The following SCFD2 variants were observed in gnomAD, a reference collection of about 807,000 sequenced individuals.
SCFD2 encodes sec1 family domain-containing protein 2.
A neutral mutation model predicts 58.9 loss-of-function variants in SCFD2; 54 were observed. The observed-to-expected ratio is 0.92, with a 90% CI of 0.74 to 1.15. SCFD2 has a LOEUF of 1.15. SCFD2 is among the 50% of genes most tolerant of loss of function. SCFD2 has a pLI of 0.00. For missense variants in SCFD2, 805 were observed against 836.6 expected, an observed-to-expected ratio of 0.96 and a Z score of 0.47; for synonymous variants, 321 against 335.9, an observed-to-expected ratio of 0.96 and a Z score of 0.49.
At chr4:53,204,020 A>T (rs897964671) in intron 4 of SCFD2, among the ~76,000 whole-genome samples, 13 of 152,116 alleles carry the variant, frequency 8.5e-5, no homozygotes, top group African/African-American at 2.9e-4. Context: ...ATGCATCCAG[A>T]TCTTTTCTAT....
intron 4 of SCFD2, among the ~76,000 whole-genome samples, chr4:53,199,442 G>A (rs1473703925): frequency 3.9e-5 from 6 of 152,082 alleles, no homozygotes; most frequent in Non-Finnish European, 7.4e-5. Flanking sequence ...TCCTGGCAAA[G>A]AGCACCAAAA....
chr4:52,915,163 A>G (rs1185770301), intron 6 of SCFD2, among the ~76,000 whole-genome samples: 1 of 152,226 alleles, frequency 6.6e-6, no homozygotes, highest in African/African-American at 2.4e-5. Flanking sequence ...CAGTGTAACT[A>G]CAACATCTTG....
chr4:53,271,112 T>C (rs1053282740), intron 4 of SCFD2, among the ~76,000 whole-genome samples: 1 of 152,182 alleles, frequency 6.6e-6, no homozygotes, highest in African/African-American at 2.4e-5. Context: ...TCTTGATATA[T>C]GTTTGTGACA....
chr4:52,895,334 A>G (rs1360923389), intron 7 of SCFD2, among the ~76,000 whole-genome samples: 1 of 151,882 alleles, frequency 6.6e-6, no homozygotes, highest in African/African-American at 2.4e-5. Context: ...CCCCTACCCC[A>G]CAACAGTCCC....
intron 5 of SCFD2, among the ~76,000 whole-genome samples, chr4:53,096,216 T>C (rs1329157084): frequency 1.3e-5 from 2 of 152,166 alleles, no homozygotes; most frequent in East Asian, 1.9e-4. Context: ...GATTTATAAT[T>C]CTTTGGGTAT....
chr4:53,319,683 C>A (rs1424118710), intron 2 of SCFD2, among the ~76,000 whole-genome samples: 2 of 152,088 alleles, frequency 1.3e-5, no homozygotes, highest in Non-Finnish European at 2.9e-5. Context: ...AGGCATGCGC[C>A]ATCTCGTCTG....
At chr4:53,316,080 G>A (rs1732853512) in intron 2 of SCFD2, among the ~76,000 whole-genome samples, 1 of 152,122 alleles carries the variant, frequency 6.6e-6, no homozygotes, top group South Asian at 2.1e-4. Context: ...CCTTATCAGA[G>A]AGGTCTCCCC....
chr4:53,239,194 A>G (rs1235987838), intron 4 of SCFD2, among the ~76,000 whole-genome samples: 2 of 151,732 alleles, frequency 1.3e-5, no homozygotes, highest in African/African-American at 4.8e-5. Flanking sequence ...CCCCGTCTCC[A>G]CCAAAACCAG....
rs1249334436 is a variant in SCFD2, at chr4:53,306,529, T to C, written c.1135+7107A>G. ...ATTCAATGAAAACTATTTCTGCCTC[T>C]TTCTATTGAAAATAGAAATACTCAT... On this transcript the variant is annotated intron_variant, in intron 3 of 8. Coordinates refer to ENST00000401642, the MANE Select transcript of SCFD2 (RefSeq NM_152540.4). 3.9e-5 allele frequency among the ~76,000 whole-genome samples: 6 copies of C among 152,220 alleles called. No individual in the cohort carries two copies. The East Asian group carries it at 1.2e-3, about 29-fold the overall frequency.
intron 4 of SCFD2, among the ~76,000 whole-genome samples, chr4:53,241,277 A>G (rs1372512330): frequency 6.6e-6 from 1 of 152,186 alleles, no homozygotes; most frequent in African/African-American, 2.4e-5. Flanking sequence ...GGTGGCAACT[A>G]TAGTGGAGCA....
intron 4 of SCFD2, among the ~76,000 whole-genome samples, chr4:53,261,547 A>G (rs960984338): frequency 5.9e-5 from 9 of 152,096 alleles, no homozygotes; most frequent in Admixed American, 5.9e-4. Flanking sequence ...TTCCTTTTGG[A>G]GTTGACTTCC....
At chr4:53,113,897 T>A (rs573758032) in intron 5 of SCFD2, among the ~76,000 whole-genome samples, 1 of 152,224 alleles carries the variant, frequency 6.6e-6, no homozygotes, top group East Asian at 1.9e-4. Flanking sequence ...TAAGAAATTA[T>A]TTCTTCTCAC....
chr4:53,233,526 C>A (rs1729503757), intron 4 of SCFD2, among the ~76,000 whole-genome samples: 1 of 152,190 alleles, frequency 6.6e-6, no homozygotes, highest in Admixed American at 6.6e-5. Flanking sequence ...ACTCTGGTTT[C>A]CAGCTGGAAT....
chr4:53,057,992 G>A (rs753947107), intron 5 of SCFD2, among the ~76,000 whole-genome samples: 11 of 151,960 alleles, frequency 7.2e-5, no homozygotes, highest in Non-Finnish European at 1.6e-4. Context: ...AAGCCATCTC[G>A]GAAAGTCAAG....
intron 4 of SCFD2, among the ~76,000 whole-genome samples, chr4:53,203,947 G>A (rs1247733063): frequency 2.0e-5 from 3 of 152,244 alleles, no homozygotes; most frequent in African/African-American, 7.2e-5. Flanking sequence ...ATTATTAACT[G>A]AATGTACACC....
chr4:53,166,018 A>G lies in SCFD2; in HGVS notation c.1312-20436T>C, dbSNP rs550632928. ...TTCTAGGTACCACATATAAGTGGTAACATACAATATTCATCCTTTAGTGTC... is the reference window on the plus strand; with the variant it reads ...TTCTAGGTACCACATATAAGTGGTAGCATACAATATTCATCCTTTAGTGTC... On this transcript the variant is annotated intron_variant, in intron 4 of 8. Coordinates refer to ENST00000401642, the MANE Select transcript of SCFD2 (RefSeq NM_152540.4). 6.6e-5 allele frequency among the ~76,000 whole-genome samples: 10 copies of G among 152,368 alleles called. No homozygotes were observed. In the South Asian group the frequency reaches 2.1e-3, roughly 32 times the overall value.
At chr4:53,089,220 AT>A (rs1270294827) in intron 5 of SCFD2, among the ~76,000 whole-genome samples, 8 of 152,108 alleles carry the variant, frequency 5.3e-5, no homozygotes, top group Non-Finnish European at 8.8e-5. Flanking sequence ...TTTTTTGTTC[AT>A]TTTTTAAATG....
At position 53,031,908 on chromosome 4, in the gene SCFD2, G is replaced by A. The variant is rs1385878850; in HGVS notation, c.1562-111038C>T. ...GAACTTCCCCAACCTAGCAAGACAG[G>A]CCAACATTCAAATTCAGGAAATACA... On this transcript the variant is annotated intron_variant, in intron 5 of 8. Coordinates refer to ENST00000401642, the MANE Select transcript of SCFD2 (RefSeq NM_152540.4). 2.0e-5 allele frequency among the ~76,000 whole-genome samples: 3 copies of A among 152,090 alleles called. No individual in the cohort carries two copies. The South Asian group carries it at 6.2e-4, about 32-fold the overall frequency.
intron 3 of SCFD2, among the ~76,000 whole-genome samples, chr4:53,275,124 G>C (rs1171732908): frequency 6.6e-6 from 1 of 152,198 alleles, no homozygotes; most frequent in Non-Finnish European, 1.5e-5. Context: ...AACGAGGCTT[G>C]TGCTGCATCT....
Sources: gnomAD v4.1 joint callset for allele counts (sites outside exome capture counted in the v4.1 genomes callset) on GRCh38, gnomAD v4.1.1 for gene constraint, MANE v1.5 for transcripts, NCBI Gene and HGNC (gene_info 2026-07-23, HGNC 2026-07-21) for gene names.